The following DOCK3 variants were observed in gnomAD, a reference collection of about 807,000 sequenced individuals.
DOCK3 encodes dedicator of cytokinesis protein 3.
Under a neutral mutation model 265.6 loss-of-function variants are expected in DOCK3, and 60 were observed. The observed-to-expected ratio is 0.23, with a 90% confidence interval of 0.18 to 0.28. The LOEUF (loss-of-function observed/expected upper bound fraction) is 0.28. Ranked by LOEUF, DOCK3 falls within the 10% of genes least tolerant of loss-of-function variation. DOCK3 has a pLI of 1.00. For synonymous variants in DOCK3, 881 were observed against 938.0 expected (o/e 0.94, Z 1.11); for missense variants, 1,981 against 2,594.3 (o/e 0.76, Z 5.14).
intron 21 of DOCK3, among the ~76,000 whole-genome samples, chr3:51,240,153 C>T (rs1560266818): frequency 6.6e-6 from 1 of 152,186 alleles, no homozygotes; most frequent in Non-Finnish European, 1.5e-5. Context: ...TATCTTTATT[C>T]TAATTAGTTT....
At chr3:50,782,314 G>A (rs1275996902) in intron 2 of DOCK3, among the ~76,000 whole-genome samples, 3 of 92,516 alleles carry the variant, frequency 3.2e-5, no homozygotes, top group East Asian at 5.5e-4. Context: ...TTTTTGAGAC[G>A]GAGTCTCGCT....
intron 23 of DOCK3, among the ~76,000 whole-genome samples, chr3:51,267,787 T>G (rs2080279725): frequency 6.6e-6 from 1 of 152,140 alleles, no homozygotes; most frequent in Admixed American, 6.5e-5. Context: ...GTGGCACATA[T>G]ACACCATGGA....
rs563198276 is a variant in DOCK3 at position 51,380,967 on chromosome 3, A to G, written c.5584-83A>G. On this transcript the variant is annotated intron_variant, in intron 52 of 52. Coordinates refer to ENST00000266037, the MANE Select transcript of DOCK3 (RefSeq NM_004947.5). ...TGATGAGGGTTAAAGTTCATTCATAAGCAGGCTCTTGGTCTTCCTATGGCG... is the reference window on the plus strand; with the variant it reads ...TGATGAGGGTTAAAGTTCATTCATAGGCAGGCTCTTGGTCTTCCTATGGCG... 2.7e-6 allele frequency: 4 copies of G among 1,477,224 alleles called. No individual in the cohort carries two copies. The African/African-American group carries it at 5.6e-5, about 21-fold the overall frequency. The allele number at this position is 1,477,224 out of a possible 1,614,324, so 91.5% of individuals were successfully genotyped here. A position where few individuals can be genotyped will look rare whatever the true frequency, so the allele number is the denominator to read the frequency against.
At chr3:50,860,235 A>G (rs2046842838) in intron 3 of DOCK3, among the ~76,000 whole-genome samples, 1 of 152,176 alleles carries the variant, frequency 6.6e-6, no homozygotes, top group Non-Finnish European at 1.5e-5. Flanking sequence ...GGTGTGGATA[A>G]GGCCCTTAGG....
intron 36 of DOCK3, 85 bp downstream of exon 36, chr3:51,338,504 A>G: frequency 6.8e-7 from 1 of 1,463,096 alleles, no homozygotes; most frequent in African/African-American, 1.4e-5. Context: ...CTTCTACAAT[A>G]CATGGCTGCA....
intron 12 of DOCK3, among the ~76,000 whole-genome samples, chr3:51,192,964 T>C (rs1284275501): frequency 6.6e-6 from 1 of 152,168 alleles, no homozygotes; most frequent in Non-Finnish European, 1.5e-5. Context: ...TGAATAGGAA[T>C]GGTGAAGGTG....
At chr3:50,827,698 G>C (rs929662108) in intron 2 of DOCK3, among the ~76,000 whole-genome samples, 3 of 152,000 alleles carry the variant, frequency 2.0e-5, no homozygotes, top group Non-Finnish European at 2.9e-5. Flanking sequence ...CTTGTGGTTT[G>C]GGAGTTTATT....
chr3:50,850,305 A>G (rs941355865), intron 3 of DOCK3, among the ~76,000 whole-genome samples: 1 of 151,034 alleles, frequency 6.6e-6, no homozygotes, highest in African/African-American at 2.4e-5. Flanking sequence ...GATTGCAGTG[A>G]GCGAAGATTG....
At chr3:50,830,644 C>T (rs1228171395) in intron 2 of DOCK3, among the ~76,000 whole-genome samples, 2 of 152,148 alleles carry the variant, frequency 1.3e-5, no homozygotes, top group Non-Finnish European at 2.9e-5. Context: ...ATAGAGGCTT[C>T]ATTCTTTTGG....
rs564854125 is a variant in DOCK3, at chr3:51,180,776, T to A, written c.1037+20074T>A. On this transcript the variant is annotated intron_variant, in intron 12 of 52. Coordinates refer to ENST00000266037, the MANE Select transcript of DOCK3 (RefSeq NM_004947.5). ...CTACCATTCAACCCATTACAACTTG[T>A]GATTAACATGAACCCTTAATTAGAA... 2.6e-3 allele frequency among the ~76,000 whole-genome samples: 392 copies of A among 152,336 alleles called. 2 individuals are homozygous for A. The highest frequency in any genetic ancestry group is 0.02 in the Middle Eastern group (6 of 294).
At chr3:51,189,377 G>A (rs988256503) in intron 12 of DOCK3, among the ~76,000 whole-genome samples, 20 of 151,988 alleles carry the variant, frequency 1.3e-4, no homozygotes, top group African/African-American at 4.3e-4. Flanking sequence ...AGTGTACATT[G>A]TATCCAATGT....
rs182938120 is a variant in DOCK3 at position 50,937,409 on chromosome 3, C to A, written c.315+3332C>A. On this transcript the variant is annotated intron_variant, in intron 5 of 52. Transcript: ENST00000266037. ...GTGGCTCACGCCTGTAATCCCAGCA[C>A]TTTGGGAGGCCGAGGCGGGCAGATC... Among the ~76,000 whole-genome samples the A allele has an allele frequency of 4.9e-3, 745 of 151,996 alleles. 9 individuals carry two copies. The highest frequency in any genetic ancestry group is 0.017 in the African/African-American group (701 of 41,448).
chr3:51,278,409 A>G (rs1437782414), intron 26 of DOCK3: 1 of 985,204 alleles, frequency 1.0e-6, no homozygotes, highest in Admixed American at 6.2e-5. Context: ...TGTGATAAAC[A>G]GTTTTCGTGG....
At chr3:51,170,941 CAA>C (rs146911259) in intron 12 of DOCK3, among the ~76,000 whole-genome samples, 8,630 of 59,758 alleles carry the variant, frequency 0.14, 555 homozygotes, top group East Asian at 0.43. Flanking sequence ...GACTCCATCT[CAA>C]AAAAAAAAAA....
chr3:50,816,907 C>A (rs2044111597), intron 2 of DOCK3, among the ~76,000 whole-genome samples: 1 of 152,034 alleles, frequency 6.6e-6, no homozygotes, highest in Non-Finnish European at 1.5e-5. Context: ...GGGTCCCAAT[C>A]CAGACCCCAA....
intron 12 of DOCK3, among the ~76,000 whole-genome samples, chr3:51,169,574 C>T (rs6445501): frequency 0.78 from 117,965 of 151,764 alleles, 46,942 homozygotes; most frequent in Middle Eastern, 0.89. Context: ...CAGCAGACAC[C>T]GGGGCCCACC....
chr3:50,741,598 A>G (rs1238752191), intron 1 of DOCK3, among the ~76,000 whole-genome samples: 3 of 151,408 alleles, frequency 2.0e-5, no homozygotes, highest in African/African-American at 7.3e-5. Flanking sequence ...TACAAAGGAC[A>G]TGAACTCATC....
In DOCK3 at chr3:50,961,477, T is replaced by G. The variant is rs2076884527; in HGVS notation, c.315+27400T>G. ...ATATGGTGACTTTTGAGTAGAGTCC[T>G]GAAGAAGATGAGGAGTTGAAACTTG... On this transcript the variant is annotated intron_variant, in intron 5 of 52. Coordinates refer to ENST00000266037, the MANE Select transcript of DOCK3 (RefSeq NM_004947.5). Among the ~76,000 whole-genome samples the G allele has an allele frequency of 2.0e-5, 3 of 152,140 alleles. No homozygotes were observed. The South Asian group carries it at 6.2e-4, about 31-fold the overall frequency.
intron 4 of DOCK3, among the ~76,000 whole-genome samples, chr3:50,890,845 T>G (rs1280649236): frequency 6.6e-6 from 1 of 152,012 alleles, no homozygotes; most frequent in African/African-American, 2.4e-5. Context: ...TGAGGTAGAA[T>G]TTAATGTGGG....
Sources: allele counts gnomAD v4.1 joint callset (sites outside exome capture counted in the v4.1 genomes callset), GRCh38; gene constraint gnomAD v4.1.1; transcripts MANE v1.5; gene names NCBI Gene and HGNC (gene_info 2026-07-23, HGNC 2026-07-21).